ATP1A1: variants seen among roughly 807,000 people sequenced by gnomAD.
The protein encoded by ATP1A1 is ATPase Na+/K+ transporting subunit alpha 1.
Under a neutral mutation model 114.8 loss-of-function variants are expected in ATP1A1, and 14 were observed. That is an observed-to-expected ratio of 0.12 (90% CI 0.08 to 0.19). The LOEUF (loss-of-function observed/expected upper bound fraction) is 0.19, where lower values mean the gene tolerates loss of function less well. Ranked by LOEUF, ATP1A1 falls within the 10% of genes least tolerant of loss-of-function variation. The pLI is 1.00. For missense variants in ATP1A1, 524 were observed against 1,290.7 expected (o/e 0.41, Z 9.10); for synonymous variants, 471 against 466.3 (o/e 1.01, Z -0.13).
rs1652240211 is a variant in ATP1A1 at position 116,388,433 on chromosome 1, A to G, written c.501+189A>G. ...AAGTGGTAGCCTTTCTTTTGAATGT[A>G]AACTCTGAATACAGGCACACCATGT... On this transcript the variant is annotated intron_variant, in intron 5 of 22. Transcript: ENST00000295598. The surrounding 1 kb of genome is among the most constrained non-coding windows in gnomAD (Gnocchi z 5.6). The G allele has an allele frequency of 1.0e-6, 1 of 983,590 alleles. No homozygotes were observed. Among genetic ancestry groups the G allele is most frequent in the Non-Finnish European group, 1.5e-6 (1 of 678,810 alleles). The allele number at this position is 983,590 out of a possible 1,614,324, so 60.9% of individuals were successfully genotyped here.
In ATP1A1 at chr1:116,395,461, T is replaced by C. The variant is rs1426542056; in HGVS notation, c.1836+176T>C. On this transcript the variant is annotated intron_variant, in intron 13 of 22. Coordinates refer to ENST00000295598, the MANE Select transcript of ATP1A1 (RefSeq NM_000701.8). The surrounding 1 kb of genome is among the most constrained non-coding windows in gnomAD (Gnocchi z 6.4). ...AAGACCAGATAGTATTAAAATATGA[T>C]GGTGTAAACACACGAGGAATTAAAA... is the stretch of plus-strand genomic sequence containing the variant. Among the ~76,000 whole-genome samples, 1 of 152,148 alleles carries C rather than the reference T, an allele frequency of 6.6e-6. No homozygotes were observed. Among genetic ancestry groups the C allele is most frequent in the Non-Finnish European group, 1.5e-5 (1 of 68,020 alleles).
chr1:116,374,646 C>A (rs1464122637), intron 1 of ATP1A1, among the ~76,000 whole-genome samples: 1 of 152,128 alleles, frequency 6.6e-6, no homozygotes. Context: ...CCCAAATGAG[C>A]CAAAGTCTAG....
Position 116,389,310 on chromosome 1 carries a change from C to G in ATP1A1, c.755-129C>G, listed in dbSNP as rs1262192501. 7.3e-6 allele frequency: 9 copies of G among 1,228,884 alleles called. No individual in the cohort carries two copies. Among genetic ancestry groups the G allele is most frequent in the Non-Finnish European group, 1.0e-5 (9 of 876,554 alleles). The allele number at this position is 1,228,884 out of a possible 1,614,324, so 76.1% of individuals were successfully genotyped here. A position where few individuals can be genotyped will look rare whatever the true frequency, so the allele number is the denominator to read the frequency against. The stretch of plus-strand genomic sequence containing the variant: ...CCAAACAGCATGTACAGCCAAAGAG[C>G]TGGCCCTTAAAAAGTGCTTTTATCA... On this transcript the variant is annotated intron_variant, in intron 7 of 22. Coordinates refer to ENST00000295598, the MANE Select transcript of ATP1A1 (RefSeq NM_000701.8). The surrounding 1 kb of genome is among the most constrained non-coding windows in gnomAD (Gnocchi z 6.9).
rs1024376796 is a variant in ATP1A1 at position 116,388,913 on chromosome 1, C to T, written c.648C>T (p.Ser216=). The T allele has an allele frequency of 1.2e-6, 2 of 1,614,132 alleles. No homozygotes were observed. Among genetic ancestry groups the T allele is most frequent in the Non-Finnish European group, 1.7e-6 (2 of 1,180,008 alleles). Residue 216 remains serine (S), a synonymous_variant, in exon 7 of 23, where the codon TCC becomes TCT. Transcript: ENST00000295598. The surrounding 1 kb of genome is among the most constrained non-coding windows in gnomAD (Gnocchi z 5.6). ...TTCCTCACATATAGGTGGATAACTC[C>T]TCGCTCACTGGTGAATCAGAACCCC... is the stretch of plus-strand genomic sequence containing the variant. The part of the protein sequence containing the change: ...ISANGCKVDN[S]SLTGESEPQT...
Position 116,403,847 on chromosome 1 carries a change from C to T in ATP1A1, c.2952-37C>T, listed in dbSNP as rs12136995. Reference sequence around the variant, plus strand: ...TCTCTTTCTTTATTTGAACTGTGTTCGTGTGCATATAAATTGGTACCTTAC... The same window carrying T: ...TCTCTTTCTTTATTTGAACTGTGTTTGTGTGCATATAAATTGGTACCTTAC... On this transcript the variant is annotated intron_variant, in intron 21 of 22. Transcript: ENST00000295598. The T allele has an allele frequency of 0.038, 57,323 of 1,518,266 alleles. 2,863 individuals carry two copies. Among genetic ancestry groups the T allele is most frequent in the African/African-American group, 0.24 (17,591 of 72,216 alleles). 94.0% of individuals were successfully genotyped at this position (1,518,266 alleles called of 1,614,324 possible).
intron 1 of ATP1A1, among the ~76,000 whole-genome samples, chr1:116,374,628 C>T (rs1039764034): frequency 2.6e-5 from 4 of 152,144 alleles, no homozygotes; most frequent in Admixed American, 2.0e-4. Context: ...GGAGACTGGG[C>T]CCTGGACCCC....
Position 116,398,153 on chromosome 1 carries a change from A to G in ATP1A1, c.2124+115A>G. 7.2e-7 allele frequency: 1 copy of G among 1,394,416 alleles called. No individual in the cohort carries two copies. Among genetic ancestry groups the G allele is most frequent in the East Asian group, 2.4e-5 (1 of 42,224 alleles). 86.4% of individuals were successfully genotyped at this position (1,394,416 alleles called of 1,614,324 possible). On this transcript the variant is annotated intron_variant, in intron 15 of 22. Transcript: ENST00000295598. The surrounding 1 kb of genome is among the most constrained non-coding windows in gnomAD (Gnocchi z 6.1). ...ATGCATACCTCGCTGTATTAGACTC[A>G]GTATAAATAGGCCAGTAGGAAGCTC...
At position 116,393,738 on chromosome 1, in the gene ATP1A1, T is replaced by G; in HGVS notation, c.1660+15T>G. The G allele has an allele frequency of 6.2e-7, 1 of 1,608,572 alleles. No homozygotes were observed. ...ACGAGTCCTAGGTATGCAGATAACC[T>G]GGTAACAGAGTGCCTGGGCACGTTT... is the stretch of plus-strand genomic sequence containing the variant. On this transcript the variant is annotated intron_variant, in intron 12 of 22. Coordinates refer to ENST00000295598, the MANE Select transcript of ATP1A1 (RefSeq NM_000701.8). The surrounding 1 kb of genome is among the most constrained non-coding windows in gnomAD (Gnocchi z 5.0).
At chr1:116,374,660 A>C (rs1651237128) in intron 1 of ATP1A1, among the ~76,000 whole-genome samples, 1 of 152,228 alleles carries the variant, frequency 6.6e-6, no homozygotes, top group East Asian at 1.9e-4. Context: ...AGTCTAGTTG[A>C]GAAAAATTTA....
chr1:116,376,062 C>T (rs1203374092), intron 1 of ATP1A1, among the ~76,000 whole-genome samples: 1 of 152,080 alleles, frequency 6.6e-6, no homozygotes, highest in African/African-American at 2.4e-5. Context: ...CTAGGCCTAC[C>T]ACCGGCAACT....
intron 1 of ATP1A1, chr1:116,373,982 AGGCGCGCTCCTCCCCTTCCCCT>A: frequency 7.3e-7 from 1 of 1,376,158 alleles, no homozygotes; most frequent in East Asian, 2.8e-5. Context: ...CCCTGAGGAA[AGGCGCGCTCCTCCCCTTCCCCT>A]GGGGCGCTCC....
At chr1:116,374,968 G>T (rs575366876) in intron 1 of ATP1A1, among the ~76,000 whole-genome samples, 1 of 152,138 alleles carries the variant, frequency 6.6e-6, no homozygotes, top group Non-Finnish European at 1.5e-5. Context: ...AGCGTGGAGG[G>T]CTGGTCCAGG....
rs1273093750 is a variant in ATP1A1, at chr1:116,388,474, T to C, written c.502-164T>C. 9.0e-7 allele frequency: 1 copy of C among 1,109,050 alleles called. No homozygotes were observed. Among genetic ancestry groups the C allele is most frequent in the African/African-American group, 1.6e-5 (1 of 62,556 alleles). The allele number at this position is 1,109,050 out of a possible 1,614,324, so 68.7% of individuals were successfully genotyped here. On this transcript the variant is annotated intron_variant, in intron 5 of 22. Coordinates refer to ENST00000295598, the MANE Select transcript of ATP1A1 (RefSeq NM_000701.8). The surrounding 1 kb of genome is among the most constrained non-coding windows in gnomAD (Gnocchi z 5.6). ...CACACCATGTAACAGCAATATCTCT[T>C]AAACTGGCGAGCAAGCTTTTGTAAC...
At chr1:116,373,971 G>T (rs1651176699) in intron 1 of ATP1A1, 4 of 1,376,628 alleles carry the variant, frequency 2.9e-6, no homozygotes, top group African/African-American at 1.5e-5. Flanking sequence ...CGCCCTCCGT[G>T]CCCTGAGGAA....
Position 116,374,361 on chromosome 1 carries a change from C to G in ATP1A1, c.12+838C>G, listed in dbSNP as rs904587859. The G allele has an allele frequency of 8.2e-6, 12 of 1,466,584 alleles. No individual in the cohort carries two copies. In the African/African-American group the frequency reaches 1.7e-4, roughly 21 times the overall value. 90.8% of individuals were successfully genotyped at this position (1,466,584 alleles called of 1,614,324 possible). On this transcript the variant is annotated intron_variant, in intron 1 of 22. Coordinates refer to ENST00000295598, the MANE Select transcript of ATP1A1 (RefSeq NM_000701.8). ...CAGATTTTTTTTGAAGGGACGAGCC[C>G]TGAAGGAGGATAGGCAGACCCACCA...
At position 116,401,185 on chromosome 1, in the gene ATP1A1, G is replaced by C; in HGVS notation, c.2774G>C (p.Ser925Thr). 1 of 1,614,234 alleles carries C rather than the reference G, an allele frequency of 6.2e-7. No homozygotes were observed. Among genetic ancestry groups the C allele is most frequent in the Non-Finnish European group, 8.5e-7 (1 of 1,180,038 alleles). ...ACCTGCCACACAGCCTTCTTCGTCA[G>C]TATCGTGGTGGTGCAGTGGGCCGAC... is the stretch of plus-strand genomic sequence containing the variant. ...EFTCHTAFFV[S>T]IVVVQWADLV... The change falls in exon 20 of 23, where the codon AGT becomes ACT. Residue 925 changes from serine to threonine, a missense_variant. Physicochemically the swap from Ser to Thr is moderately conservative, Grantham distance 58 (BLOSUM62 1). This residue lies in a region of ATP1A1 where 84 missense variants were observed against 209.3 expected (regional missense o/e 0.40). Transcript: ENST00000295598. The surrounding 1 kb of genome is among the most constrained non-coding windows in gnomAD (Gnocchi z 4.7).
rs764105955 is a variant in ATP1A1, at chr1:116,388,621, T to C, written c.502-17T>C. On this transcript the variant is annotated splice_polypyrimidine_tract_variant and intron_variant, in intron 5 of 22. Transcript: ENST00000295598. The surrounding 1 kb of genome is among the most constrained non-coding windows in gnomAD (Gnocchi z 5.6). ...TTTGTTGGTATACTAACGGTGTAAATTGTTTCTTTTCCAAAGCAAGCCCTT... is the reference window on the plus strand; with the variant it reads ...TTTGTTGGTATACTAACGGTGTAAACTGTTTCTTTTCCAAAGCAAGCCCTT... The C allele has an allele frequency of 5.6e-6, 9 of 1,613,276 alleles. No homozygotes were observed. The highest frequency in any genetic ancestry group is 7.6e-6 in the Non-Finnish European group (9 of 1,179,550).
intron 10 of ATP1A1, chr1:116,392,251 G>C (rs1383473888): frequency 6.6e-6 from 1 of 152,162 alleles, no homozygotes; most frequent in Non-Finnish European, 1.5e-5. Flanking sequence ...AATGTTACGT[G>C]GTTCGATTTT....
chr1:116,399,334 G>A lies in ATP1A1; in HGVS notation c.2449-86G>A. 1 of 1,519,500 alleles carries A rather than the reference G, an allele frequency of 6.6e-7. No homozygotes were observed. Among genetic ancestry groups the A allele is most frequent in the Non-Finnish European group, 8.9e-7 (1 of 1,127,918 alleles). The allele number at this position is 1,519,500 out of a possible 1,614,324, so 94.1% of individuals were successfully genotyped here. On this transcript the variant is annotated intron_variant, in intron 17 of 22. Coordinates refer to ENST00000295598, the MANE Select transcript of ATP1A1 (RefSeq NM_000701.8). This position sits in a 1 kb window ranked among gnomAD's most constrained non-coding sequence, Gnocchi z 5.0. ...CTTCACCTAAAAGATTTTTAAATGG[G>A]AGGGCAAGAATTTTATAACAAAAGG...
Sources: gnomAD v4.1 joint callset for allele counts (sites outside exome capture counted in the v4.1 genomes callset) on GRCh38, gnomAD v4.1.1 for gene constraint, gnomAD v4.1.1 regional missense constraint, Gnocchi (gnomAD v3.1) non-coding constraint, MANE v1.5 for transcripts, NCBI Gene and HGNC (gene_info 2026-07-23, HGNC 2026-07-21) for gene names.